TTC29: variants seen among roughly 807,000 people sequenced by gnomAD.
TTC29 encodes the protein tetratricopeptide repeat protein 29.
TTC29 carries 49 observed loss-of-function variants against 58.1 expected under a neutral mutation model. The ratio of observed to expected loss-of-function variants is 0.84; its 90% confidence interval spans 0.67 to 1.07. The LOEUF (loss-of-function observed/expected upper bound fraction) is 1.07, where lower values mean the gene tolerates loss of function less well. Among genes scored for constraint, TTC29 ranks in the 50% least tolerant of loss-of-function variants. TTC29 has a pLI of 0.00. For synonymous variants in TTC29, 209 were observed against 196.8 expected (o/e 1.06, Z -0.52); for missense variants, 582 against 555.6 (o/e 1.05, Z -0.48).
chr4:146,898,551 A>C (rs886309480), intron 6 of TTC29, among the ~76,000 whole-genome samples: 20 of 152,320 alleles, frequency 1.3e-4, no homozygotes, highest in African/African-American at 4.6e-4. Flanking sequence ...ACTCTGTAAT[A>C]AAGTCATACA....
chr4:146,708,354 A>ATATT (rs1742206804), intron 11 of TTC29, among the ~76,000 whole-genome samples: 1 of 19,836 alleles, frequency 5.0e-5, no homozygotes, highest in African/African-American at 8.7e-5. Flanking sequence ...ATATATATAT[A>ATATT]TACACATGTA....
rs372479999 is a variant in TTC29, at chr4:146,844,597, T to C, written c.886-10700A>G. 1.6e-4 allele frequency among the ~76,000 whole-genome samples: 24 copies of C among 152,228 alleles called. No homozygotes were observed. In the South Asian group the frequency reaches 5.0e-3, roughly 32 times the overall value. The stretch of plus-strand genomic sequence containing the variant: ...GGTTTTGTCATGTTGCTTACGCTGG[T>C]CTTGAACTCCTGGGCTCATGCAATC... On this transcript the variant is annotated intron_variant, in intron 8 of 12. Transcript: ENST00000325106.
At chr4:146,825,509 G>A (rs138977608) in intron 9 of TTC29, among the ~76,000 whole-genome samples, 9,345 of 152,218 alleles carry the variant, frequency 0.061, 395 homozygotes, top group Admixed American at 0.13. Context: ...GCTGAGGAGT[G>A]TTTTACTTCC....
At chr4:146,836,623 C>T (rs902993930) in intron 8 of TTC29, among the ~76,000 whole-genome samples, 1 of 152,060 alleles carries the variant, frequency 6.6e-6, no homozygotes, top group African/African-American at 2.4e-5. Context: ...ACTACAAATT[C>T]TGTAGAAGAT....
At chr4:146,871,813 G>GA (rs1327360512) in intron 7 of TTC29, among the ~76,000 whole-genome samples, 1 of 151,916 alleles carries the variant, frequency 6.6e-6, no homozygotes, top group Non-Finnish European at 1.5e-5. Flanking sequence ...TTAGTTTGAA[G>GA]ATGGCAATAT....
chr4:146,843,642 T>C (rs1255728561), intron 8 of TTC29, among the ~76,000 whole-genome samples: 1 of 152,140 alleles, frequency 6.6e-6, no homozygotes, highest in African/African-American at 2.4e-5. Flanking sequence ...ATCTACTAGA[T>C]GATGGAGATG....
At position 146,874,871 on chromosome 4, in the gene TTC29, C is replaced by A; in HGVS notation, c.644G>T (p.Arg215Leu). 6.2e-7 allele frequency: 1 copy of A among 1,613,494 alleles called. No individual in the cohort carries two copies. Residue 215 changes from arginine to leucine, a missense_variant, in exon 7 of 13, where the codon CGG becomes CTG. Physicochemically the swap from Arg to Leu is moderately radical, Grantham distance 102. Transcript: ENST00000325106. ...YEAFHQLTQG[R>L]IWKDETGRSL... ...GCGGCCTGTCTCATCCTTCCATATC[C>A]GCCCCTGTGTCAATTGATGGAATGC... is the stretch of plus-strand genomic sequence containing the variant.
At chr4:146,876,275 G>T (rs1479248312) in intron 6 of TTC29, among the ~76,000 whole-genome samples, 1 of 152,168 alleles carries the variant, frequency 6.6e-6, no homozygotes, top group African/African-American at 2.4e-5. Context: ...AATTGGTACA[G>T]TAATAATATC....
At position 146,909,168 on chromosome 4, in the gene TTC29, A is replaced by C. The variant is rs757753434; in HGVS notation, c.258T>G (p.Ala86=). Residue 86 remains alanine, a synonymous_variant, in exon 5 of 13, where the codon GCT becomes GCG. Transcript: ENST00000325106. ...TCAGGGCATCCCACCGCTCCATCAGAGCGAAGAGCTCGGTGAAGGACTTAT... is the reference window on the plus strand; with the variant it reads ...TCAGGGCATCCCACCGCTCCATCAGCGCGAAGAGCTCGGTGAAGGACTTAT... ...GYHKSFTELF[A]LMERWDALRE... 20 of 1,613,724 alleles carry C rather than the reference A, an allele frequency of 1.2e-5. No homozygotes were observed. Among genetic ancestry groups the C allele is most frequent in the Non-Finnish European group, 1.5e-5 (18 of 1,179,860 alleles).
At chr4:146,782,445 A>T (rs1278042440) in intron 11 of TTC29, among the ~76,000 whole-genome samples, 1 of 151,930 alleles carries the variant, frequency 6.6e-6, no homozygotes, top group Non-Finnish European at 1.5e-5. Flanking sequence ...AATGATTGTT[A>T]ATTACATTCC....
chr4:146,760,314 C>T (rs1420104723), intron 11 of TTC29, among the ~76,000 whole-genome samples: 1 of 152,056 alleles, frequency 6.6e-6, no homozygotes, highest in East Asian at 1.9e-4. Context: ...AAACACATCC[C>T]ATGCTCATGG....
chr4:146,942,740 A>AAAC, intron 2 of TTC29: 1 of 873,222 alleles, frequency 1.1e-6, no homozygotes, highest in Non-Finnish European at 1.7e-6. Context: ...CATTTGGGGC[A>AAAC]TTCCATCCTC....
chr4:146,708,316 A>ATATATATATATATACACATG (rs1742150614), intron 11 of TTC29, among the ~76,000 whole-genome samples: 1 of 25,824 alleles, frequency 3.9e-5, no homozygotes, highest in African/African-American at 7.6e-5. Context: ...GTTTATATAT[A>ATATATATATATATACACATG]TATATATATA....
chr4:146,931,118 G>A (rs533813205), intron 4 of TTC29, among the ~76,000 whole-genome samples: 228 of 152,076 alleles, frequency 1.5e-3, no homozygotes, highest in African/African-American at 5.3e-3. Flanking sequence ...TGAGGTGAGA[G>A]GACTGCATGA....
intron 7 of TTC29, among the ~76,000 whole-genome samples, chr4:146,872,549 AT>A (rs1394360133): frequency 3.3e-5 from 5 of 152,140 alleles, no homozygotes; most frequent in East Asian, 1.9e-4. Flanking sequence ...TAATAAAAAA[AT>A]AACCCAATTA....
At chr4:146,888,587 C>T (rs1331506739) in intron 6 of TTC29, among the ~76,000 whole-genome samples, 1 of 152,094 alleles carries the variant, frequency 6.6e-6, no homozygotes, top group Non-Finnish European at 1.5e-5. Flanking sequence ...CCAAGCAGAG[C>T]ACTAGACACT....
chr4:146,828,456 A>C (rs1345641862), intron 9 of TTC29, among the ~76,000 whole-genome samples: 1 of 152,074 alleles, frequency 6.6e-6, no homozygotes, highest in Non-Finnish European at 1.5e-5. Context: ...ATTTCTCTGA[A>C]TATCACTTCA....
At chr4:146,915,002 G>T (rs1241773582) in intron 4 of TTC29, among the ~76,000 whole-genome samples, 1 of 152,114 alleles carries the variant, frequency 6.6e-6, no homozygotes, top group East Asian at 1.9e-4. Flanking sequence ...ACTATTTATA[G>T]AACACCCACA....
intron 11 of TTC29, among the ~76,000 whole-genome samples, chr4:146,707,987 G>A (rs770118147): frequency 3.3e-5 from 5 of 151,966 alleles, no homozygotes; most frequent in African/African-American, 7.2e-5. Context: ...GAATGGCCAC[G>A]TATAGATGTT....
Sources: gnomAD v4.1 joint callset for allele counts (sites outside exome capture counted in the v4.1 genomes callset) on GRCh38, gnomAD v4.1.1 for gene constraint, MANE v1.5 for transcripts, NCBI Gene and HGNC (gene_info 2026-07-23, HGNC 2026-07-21) for gene names.